Variants in ANKRD26 observed in about 807,000 individuals in gnomAD.
The protein encoded by ANKRD26 is ankyrin repeat domain 26, also known as ankyrin repeat domain-containing protein 26.
Under a neutral mutation model 208.7 loss-of-function variants are expected in ANKRD26, and 141 were observed. The observed-to-expected ratio is 0.68, with a 90% CI of 0.59 to 0.78. ANKRD26 has a LOEUF of 0.78. Ranked by LOEUF, ANKRD26 falls within the 30% of genes least tolerant of loss-of-function variation. The pLI is 0.00. For synonymous variants in ANKRD26, 636 were observed against 660.4 expected (o/e 0.96, Z 0.57); for missense variants, 1,889 against 1,938.7 (o/e 0.97, Z 0.48).
chr10:27,033,535 C>T (rs2053949470), intron 24 of ANKRD26, among the ~76,000 whole-genome samples, 158 bp from the exon 25 acceptor site: 1 of 152,116 alleles, frequency 6.6e-6, no homozygotes, highest in South Asian at 2.1e-4. Flanking sequence ...GTACACATTG[C>T]TGTTTATTAC....
chr10:26,989,226 T>C (rs2052443873), downstream of ANKRD26, among the ~76,000 whole-genome samples: 1 of 152,154 alleles, frequency 6.6e-6, no homozygotes, highest in African/African-American at 2.4e-5. Flanking sequence ...AATATGAATT[T>C]TGGGGGGGAC....
chr10:27,095,162 A>G (rs1004949102), intron 1 of ANKRD26, among the ~76,000 whole-genome samples: 3 of 152,252 alleles, frequency 2.0e-5, no homozygotes, highest in Non-Finnish European at 4.4e-5. Context: ...AGATTTTTAA[A>G]ACAAAGTAAT....
At chr10:26,948,606 C>T in the ANKRD26 span, among the ~76,000 whole-genome samples, 1 of 152,102 alleles carries the variant, frequency 6.6e-6, no homozygotes, top group Non-Finnish European at 1.5e-5. Flanking sequence ...TCTTTATGAT[C>T]ATTTTTGTTC....
chr10:27,071,789 C>T (rs1358342773), intron 9 of ANKRD26, among the ~76,000 whole-genome samples: 2 of 152,098 alleles, frequency 1.3e-5, no homozygotes, highest in African/African-American at 4.8e-5. Flanking sequence ...CTGGGAAGCC[C>T]GGCAATCCAG....
At chr10:27,000,924 C>T (rs138128668), downstream of ANKRD26, among the ~76,000 whole-genome samples, 1,561 of 152,260 alleles carry the variant, frequency 0.01, 8 homozygotes, top group Non-Finnish European at 0.016. Context: ...AGGAGGATGG[C>T]GTGAACCCAG....
chr10:27,093,286 A>G, intron 3 of ANKRD26, 63 bp downstream of exon 3: 2 of 1,487,344 alleles, frequency 1.3e-6, no homozygotes, highest in East Asian at 2.3e-5. Flanking sequence ...TAACCCTTAC[A>G]TATGTCACTG....
At chr10:26,951,019 C>CT in the ANKRD26 span, among the ~76,000 whole-genome samples, 3,851 of 48,518 alleles carry the variant, frequency 0.079, 132 homozygotes, top group Admixed American at 0.19. Flanking sequence ...TTTTCTTTTT[C>CT]TTTTTTTTTT....
At position 27,007,037 on chromosome 10, in the gene ANKRD26, A is replaced by G. The variant is rs548845869; in HGVS notation, c.4954-75T>C. 1.0e-5 allele frequency: 11 copies of G among 1,102,710 alleles called. No homozygotes were observed. The Admixed American group carries it at 1.0e-4, about 10-fold the overall frequency. The allele number at this position is 1,102,710 out of a possible 1,614,324, so 68.3% of individuals were successfully genotyped here. ...TTAACATAGAAATGATGTATCACTTACAAAATGTGGCCTGTAATACTCTTA... is the reference window on the plus strand; with the variant it reads ...TTAACATAGAAATGATGTATCACTTGCAAAATGTGGCCTGTAATACTCTTA... On this transcript the variant is annotated intron_variant, in intron 32 of 33. Coordinates refer to ENST00000376087, the MANE Select transcript of ANKRD26 (RefSeq NM_014915.3).
downstream of ANKRD26, among the ~76,000 whole-genome samples, chr10:26,999,807 CAAAAAAA>C (rs68192322): frequency 2.9e-4 from 22 of 74,776 alleles, no homozygotes; most frequent in African/African-American, 9.7e-4. Context: ...CAAAACCAAC[CAAAAAAA>C]AAAAAAAAAA....
chr10:27,026,372 TC>T (rs2053657224), intron 27 of ANKRD26, among the ~76,000 whole-genome samples: 1 of 152,206 alleles, frequency 6.6e-6, no homozygotes, highest in South Asian at 2.1e-4. Flanking sequence ...CTGGATGACA[TC>T]CATATAAGGG....
chr10:26,985,065 C>T (rs2052363771), intron 3 of ANKRD26, among the ~76,000 whole-genome samples: 2 of 152,200 alleles, frequency 1.3e-5, no homozygotes, highest in South Asian at 2.1e-4. Flanking sequence ...TGTTGCTTGC[C>T]TGCAGGAAAA....
chr10:27,012,795 G>C, intron 32 of ANKRD26, 87 bp downstream of exon 32: 1 of 1,331,446 alleles, frequency 7.5e-7, no homozygotes, highest in South Asian at 1.2e-5. Flanking sequence ...CTGGACAACA[G>C]AGTAAAACGC....
At chr10:27,007,186 T>C (rs1460116357) in intron 32 of ANKRD26, among the ~76,000 whole-genome samples, 2 of 152,204 alleles carry the variant, frequency 1.3e-5, no homozygotes, top group Admixed American at 1.3e-4. Flanking sequence ...GTACAATTAA[T>C]ATTGGTCTAC....
chr10:27,015,814 G>C (rs1431318999), intron 30 of ANKRD26, among the ~76,000 whole-genome samples: 1 of 152,144 alleles, frequency 6.6e-6, no homozygotes, highest in African/African-American at 2.4e-5. Flanking sequence ...GTCCCACGCA[G>C]TTCTCAATCG....
intron 19 of ANKRD26, among the ~76,000 whole-genome samples, 171 bp downstream of exon 19, chr10:27,043,986 C>T (rs1343001314): frequency 6.6e-6 from 1 of 151,890 alleles, no homozygotes; most frequent in Non-Finnish European, 1.5e-5. Flanking sequence ...AGAGACAGGG[C>T]TCCCACCATG....
the ANKRD26 span, among the ~76,000 whole-genome samples, chr10:26,962,026 G>A: frequency 6.6e-6 from 1 of 152,204 alleles, no homozygotes; most frequent in Non-Finnish European, 1.5e-5. Flanking sequence ...GAGTTTTGAG[G>A]ACTAACTTGG....
the ANKRD26 span, among the ~76,000 whole-genome samples, chr10:26,965,431 G>T: frequency 6.6e-6 from 1 of 152,216 alleles, no homozygotes; most frequent in Admixed American, 6.5e-5. Context: ...CTAGCCATAT[G>T]CAGAAAACAG....
intron 9 of ANKRD26, among the ~76,000 whole-genome samples, chr10:27,076,744 T>C (rs549883385): frequency 6.6e-6 from 1 of 152,062 alleles, no homozygotes; most frequent in South Asian, 2.1e-4. Flanking sequence ...CTAGAAAATC[T>C]AGAGGAAACT....
At chr10:27,008,223 A>G (rs2052961263) in intron 32 of ANKRD26, among the ~76,000 whole-genome samples, 1 of 151,990 alleles carries the variant, frequency 6.6e-6, no homozygotes, top group African/African-American at 2.4e-5. Context: ...ATAATATGAT[A>G]TCCAATGCCT....
Sources: allele counts gnomAD v4.1 joint callset (sites outside exome capture counted in the v4.1 genomes callset), GRCh38; gene constraint gnomAD v4.1.1; transcripts MANE v1.5; gene names NCBI Gene and HGNC (gene_info 2026-07-23, HGNC 2026-07-21).